Variants in MTUS2 observed in about 807,000 individuals in gnomAD.
The protein encoded by MTUS2 is microtubule associated scaffold protein 2.
MTUS2 carries 40 observed loss-of-function variants against 114.1 expected under a neutral mutation model. The ratio of observed to expected loss-of-function variants is 0.35; its 90% CI spans 0.27 to 0.46. The LOEUF is 0.46. MTUS2 is among the 20% of genes least tolerant of loss of function. The pLI is 1.00. For synonymous variants in MTUS2, 688 were observed against 672.0 expected, an observed-to-expected ratio of 1.02 and a Z score of -0.37; for missense variants, 1,679 against 1,705.4, an observed-to-expected ratio of 0.98 and a Z score of 0.27.
intron 7 of MTUS2, among the ~76,000 whole-genome samples, chr13:29,331,440 A>G (rs1327604598): frequency 6.6e-6 from 1 of 152,114 alleles, no homozygotes; most frequent in Admixed American, 6.6e-5. Flanking sequence ...CTCTTGCCTG[A>G]TTGCCCTGGC....
At chr13:28,867,650 A>T (rs568485253) in intron 2 of MTUS2, among the ~76,000 whole-genome samples, 1 of 152,214 alleles carries the variant, frequency 6.6e-6, no homozygotes. Flanking sequence ...CTGTAATAAT[A>T]ATAAGAATAT....
intron 2 of MTUS2, among the ~76,000 whole-genome samples, chr13:28,945,523 A>ACT (rs1339161131): frequency 5.3e-5 from 8 of 152,102 alleles, no homozygotes; most frequent in African/African-American, 1.7e-4. Flanking sequence ...ATAACATCTG[A>ACT]CTGGTGTAAG....
chr13:28,925,171 A>C (rs536066431), intron 2 of MTUS2, among the ~76,000 whole-genome samples: 51 of 152,210 alleles, frequency 3.4e-4, no homozygotes, highest in African/African-American at 1.2e-3. Context: ...CTAGAATTGG[A>C]ATGTTGCTCT....
At chr13:29,315,102 T>C (rs1250528773) in intron 6 of MTUS2, among the ~76,000 whole-genome samples, 1 of 152,198 alleles carries the variant, frequency 6.6e-6, no homozygotes, top group Non-Finnish European at 1.5e-5. Context: ...TTCTCACTTA[T>C]ATGTGGAATC....
intron 2 of MTUS2, among the ~76,000 whole-genome samples, chr13:28,925,712 T>C (rs1881288267): frequency 6.6e-6 from 1 of 152,204 alleles, no homozygotes; most frequent in South Asian, 2.1e-4. Context: ...TGTCTCAAAT[T>C]CCTTATATAC....
chr13:28,900,850 C>A (rs554086891), intron 2 of MTUS2, among the ~76,000 whole-genome samples: 1 of 152,224 alleles, frequency 6.6e-6, no homozygotes, highest in Admixed American at 6.5e-5. Context: ...GCTTAACATT[C>A]ATGTGCAGGT....
intron 8 of MTUS2, among the ~76,000 whole-genome samples, chr13:29,438,959 A>G (rs1877624347): frequency 6.6e-6 from 1 of 152,190 alleles, no homozygotes; most frequent in Admixed American, 6.5e-5. Context: ...CTGTCTGGTC[A>G]CATTCCACAC....
intron 2 of MTUS2, among the ~76,000 whole-genome samples, chr13:29,010,583 A>C (rs956307489): frequency 6.6e-6 from 1 of 151,844 alleles, no homozygotes; most frequent in African/African-American, 2.4e-5. Flanking sequence ...GAAGGCCGCC[A>C]CATGCGGACC....
At chr13:29,150,980 C>T (rs1376363496) in intron 5 of MTUS2, among the ~76,000 whole-genome samples, 3 of 152,130 alleles carry the variant, frequency 2.0e-5, no homozygotes, top group Non-Finnish European at 4.4e-5. Flanking sequence ...AGTGTGATAT[C>T]TATGGCTTTG....
intron 4 of MTUS2, among the ~76,000 whole-genome samples, chr13:29,043,847 A>G (rs1566320050): frequency 6.6e-6 from 1 of 152,032 alleles, no homozygotes; most frequent in Non-Finnish European, 1.5e-5. Flanking sequence ...GTGATATTAT[A>G]TCACTTTGTA....
chr13:29,444,202 T>C (rs1013030496), intron 9 of MTUS2, among the ~76,000 whole-genome samples: 4 of 152,110 alleles, frequency 2.6e-5, no homozygotes, highest in African/African-American at 9.7e-5. Flanking sequence ...AGCAGATGGA[T>C]CACCTGAGGT....
chr13:29,045,896 C>T (rs879608863), intron 4 of MTUS2, among the ~76,000 whole-genome samples: 18 of 152,040 alleles, frequency 1.2e-4, no homozygotes, highest in Non-Finnish European at 2.5e-4. Flanking sequence ...TGTAATCTTT[C>T]CCATCCCCAA....
intron 4 of MTUS2, among the ~76,000 whole-genome samples, chr13:29,043,363 A>G (rs1252071222): frequency 6.6e-6 from 1 of 151,898 alleles, no homozygotes; most frequent in Admixed American, 6.6e-5. Flanking sequence ...CATATGCTCT[A>G]TTTTGAAGAA....
chr13:29,428,297 C>T (rs1384418292), intron 8 of MTUS2, among the ~76,000 whole-genome samples: 7 of 152,258 alleles, frequency 4.6e-5, no homozygotes, highest in African/African-American at 1.7e-4. Flanking sequence ...AAAATAGGAG[C>T]TAGGATTGCA....
rs142495385 is a variant in MTUS2, at chr13:29,158,905, C to T, written c.2644+57935C>T. Among the ~76,000 whole-genome samples, 174 of 152,248 alleles carry T rather than the reference C, an allele frequency of 1.1e-3. 1 individual carries two copies. Among genetic ancestry groups the T allele is most frequent in the African/African-American group, 3.9e-3 (163 of 41,536 alleles). ...AGCTGCCTCCAGAGAAGCCCACCAG[C>T]GGGAGACTGGCATAAACCAGCAGAG... On this transcript the variant is annotated intron_variant, in intron 5 of 15. Transcript: ENST00000612955.
intron 5 of MTUS2, among the ~76,000 whole-genome samples, chr13:29,140,564 A>G (rs1486117092): frequency 6.6e-6 from 1 of 152,204 alleles, no homozygotes; most frequent in Admixed American, 6.5e-5. Flanking sequence ...GGTGTTCTGA[A>G]CAAATTGTTC....
At chr13:29,376,330 G>A (rs1354155360) in intron 8 of MTUS2, among the ~76,000 whole-genome samples, 1 of 152,066 alleles carries the variant, frequency 6.6e-6, no homozygotes, top group Non-Finnish European at 1.5e-5. Context: ...ATCCACTTGT[G>A]GTGGTTAGAT....
At chr13:28,881,151 A>G (rs1462896359) in intron 2 of MTUS2, among the ~76,000 whole-genome samples, 1 of 152,142 alleles carries the variant, frequency 6.6e-6, no homozygotes, top group Non-Finnish European at 1.5e-5. Context: ...GGAGACCCCC[A>G]GTGTCTATCG....
intron 4 of MTUS2, among the ~76,000 whole-genome samples, chr13:29,050,028 T>G (rs754103861): frequency 2.5e-4 from 38 of 152,120 alleles, no homozygotes; most frequent in Non-Finnish European, 5.0e-4. Flanking sequence ...TGCATGAACC[T>G]CATGCAAACA....
Sources: gnomAD v4.1 joint callset for allele counts (sites outside exome capture counted in the v4.1 genomes callset) on GRCh38, gnomAD v4.1.1 for gene constraint, MANE v1.5 for transcripts, NCBI Gene and HGNC (gene_info 2026-07-23, HGNC 2026-07-21) for gene names.